The following DAPK3 variants were observed in gnomAD, a reference collection of about 807,000 sequenced individuals.
The protein encoded by DAPK3 is death associated protein kinase 3.
Under a neutral mutation model 30.6 loss-of-function variants are expected in DAPK3, and 24 were observed. The ratio of observed to expected loss-of-function variants is 0.78; its 90% confidence interval spans 0.57 to 1.10. DAPK3 has a LOEUF of 1.10. Ranked by LOEUF, DAPK3 falls within the 50% of genes least tolerant of loss-of-function variation. DAPK3 has a pLI of 0.00. For synonymous variants in DAPK3, 341 were observed against 284.0 expected (o/e 1.20, Z -2.02); for missense variants, 629 against 657.3 (o/e 0.96, Z 0.47).
In DAPK3 at chr19:3,964,628, C is replaced by G; in HGVS notation, c.423+3G>C. The G allele has an allele frequency of 6.2e-7, 1 of 1,600,392 alleles. No individual in the cohort carries two copies. The highest frequency in any genetic ancestry group is 8.5e-7 in the Non-Finnish European group (1 of 1,172,972). ...CGGCCCCACAGGGCCCTACAGGGCTCACCTTCAGGTCAAAGTGTGCGATGC... is the reference window on the plus strand; with the variant it reads ...CGGCCCCACAGGGCCCTACAGGGCTGACCTTCAGGTCAAAGTGTGCGATGC... On this transcript the variant is annotated splice_donor_region_variant and intron_variant, in intron 3 of 8. Transcript: ENST00000545797.
rs2039469997 is a variant in DAPK3 at position 3,958,958 on chromosome 19, C to G, written c.*143G>C. The G allele has an allele frequency of 3.3e-6, 2 of 607,448 alleles. No individual in the cohort carries two copies. The highest frequency in any genetic ancestry group is 6.2e-5 in the Admixed American group (2 of 32,216). The allele number at this position is 607,448 out of a possible 1,614,324, so 37.6% of individuals were successfully genotyped here. ...TGCCTGCGAACTTACGGGCCTGGCT[C>G]CAGCTCCTCCCACTCCGCCTCCAGC... On this transcript the variant is annotated 3_prime_UTR_variant, in exon 9 of 9. Coordinates refer to ENST00000545797, the MANE Select transcript of DAPK3 (RefSeq NM_001348.3).
At chr19:3,960,925 G>A in intron 7 of DAPK3, 84 bp downstream of exon 7, 2 of 1,458,244 alleles carry the variant, frequency 1.4e-6, no homozygotes, top group Non-Finnish European at 1.9e-6. Flanking sequence ...GGTGGCGCTG[G>A]GAGGAGAGTC....
In DAPK3 at chr19:3,960,068, G is replaced by T; in HGVS notation, c.819C>A (p.Ser273=). 1 of 1,563,090 alleles carries T rather than the reference G, an allele frequency of 6.4e-7. No individual in the cohort carries two copies. Among genetic ancestry groups the T allele is most frequent in the Non-Finnish European group, 8.8e-7 (1 of 1,133,834 alleles). ...CCACCTCCCCACTTACCTTAATCCA[G>T]GAATGTTCCAGGCTCTGGGCAATGG... The part of the protein sequence containing the change: ...RMTIAQSLEH[S]WIKAIRRRNV... Residue 273 remains serine, a synonymous_variant, in exon 8 of 9, where the codon TCC becomes TCA. Coordinates refer to ENST00000545797, the MANE Select transcript of DAPK3 (RefSeq NM_001348.3).
intron 6 of DAPK3, among the ~76,000 whole-genome samples, chr19:3,963,156 C>T (rs2039536812): frequency 6.6e-6 from 1 of 151,886 alleles, no homozygotes; most frequent in South Asian, 2.1e-4. Context: ...ACATGTAGTC[C>T]CAGGTACTCA....
At position 3,964,893 on chromosome 19, in the gene DAPK3, C is replaced by T. The variant is rs748443298; in HGVS notation, c.161G>A (p.Arg54His). ...CTCGATCTCCTCCCGGCTCACCCCA[C>T]GCCGGCTGGATGACAGGCGGCGCTT... is the stretch of plus-strand genomic sequence containing the variant. ...IKKRRLSSSRRGVSREEIERE... is the reference protein window; with the variant it reads ...IKKRRLSSSRHGVSREEIERE... Residue 54 changes from arginine to histidine, a missense_variant, in exon 3 of 9, where the codon CGT (arginine) becomes CAT (histidine). Around this residue, in one of 2 missense-constraint regions of DAPK3, gnomAD observed 306 missense variants for 378.5 expected, o/e 0.81. Transcript: ENST00000545797. 6.2e-7 allele frequency: 1 copy of T among 1,612,022 alleles called. No individual in the cohort carries two copies. Among genetic ancestry groups the T allele is most frequent in the Admixed American group, 1.7e-5 (1 of 60,010 alleles).
At chr19:3,961,414 G>C in intron 6 of DAPK3, 1 of 637,842 alleles carries the variant, frequency 1.6e-6, no homozygotes, top group Non-Finnish European at 3.1e-6. Context: ...TTGGAGACTC[G>C]AAGTATCTGT....
Position 3,961,829 on chromosome 19 carries a change from C to T in DAPK3, c.630-668G>A, listed in dbSNP as rs893453075. 5 of 240,404 alleles carry T rather than the reference C, an allele frequency of 2.1e-5. No homozygotes were observed. The East Asian group carries it at 2.8e-4, about 13-fold the overall frequency. The allele number at this position is 240,404 out of a possible 1,614,324, so 14.9% of individuals were successfully genotyped here. A position where few individuals can be genotyped will look rare whatever the true frequency, so the allele number is the denominator to read the frequency against. On this transcript the variant is annotated intron_variant, in intron 6 of 8. Coordinates refer to ENST00000545797, the MANE Select transcript of DAPK3 (RefSeq NM_001348.3). ...CCTCAGAGAGGACAGGAGTGGAAAA[C>T]GGGGGTGTCTAACCACCTCTGGCAC...
rs1365609533 is a variant in DAPK3, at chr19:3,964,815, T to G, written c.239A>C (p.His80Pro). 6 of 1,612,912 alleles carry G rather than the reference T, an allele frequency of 3.7e-6. No individual in the cohort carries two copies. The highest frequency in any genetic ancestry group is 4.2e-6 in the Non-Finnish European group (5 of 1,179,116). ...GTCCGTCTTGTTCTCGAAGATGTCG[T>G]GCAGGGTGATGATGTTGGGGTGCCG... ...EIRHPNIITL[H>P]DIFENKTDVV... is the part of the protein sequence containing the mutation. Residue 80 changes from histidine to proline, a missense_variant, in exon 3 of 9, where the codon CAC (histidine) becomes CCC (proline). This residue lies in a region of DAPK3 where 306 missense variants were observed against 378.5 expected (regional missense o/e 0.81). Transcript: ENST00000545797.
intron 6 of DAPK3, among the ~76,000 whole-genome samples, 200 bp downstream of exon 6, chr19:3,963,443 T>C (rs1269483393): frequency 5.4e-5 from 6 of 110,292 alleles, no homozygotes. Flanking sequence ...GCTCTGTGAG[T>C]GTCCTGCCTT....
chr19:3,966,962 C>G (rs2039583886), intron 2 of DAPK3, among the ~76,000 whole-genome samples: 3 of 152,196 alleles, frequency 2.0e-5, no homozygotes, highest in Admixed American at 2.0e-4. Flanking sequence ...TCCCCAAGAG[C>G]TGAGCCCACC....
rs549563369 is a variant in DAPK3, at chr19:3,961,571, T to G, written c.630-410A>C. The G allele has an allele frequency of 1.1e-5, 5 of 475,086 alleles. No homozygotes were observed. In the East Asian group the frequency reaches 3.3e-4, roughly 32 times the overall value. 29.4% of individuals were successfully genotyped at this position (475,086 alleles called of 1,614,324 possible). On this transcript the variant is annotated intron_variant, in intron 6 of 8. Transcript: ENST00000545797. Reference sequence around the variant, plus strand: ...CCCCAACAGCGTCTGCCTCCCAGCCTGACGCTGGGAGGGTGACACAGCATC... The same window carrying G: ...CCCCAACAGCGTCTGCCTCCCAGCCGGACGCTGGGAGGGTGACACAGCATC...
rs1302940665 is a variant in DAPK3, at chr19:3,959,190, G to T, written c.1276C>A (p.Gln426Lys). 2 of 1,598,826 alleles carry T rather than the reference G, an allele frequency of 1.3e-6. No homozygotes were observed. The highest frequency in any genetic ancestry group is 1.7e-6 in the Non-Finnish European group (2 of 1,177,156). The change falls in exon 9 of 9, where the codon CAA becomes AAA. Residue 426 changes from glutamine (Q) to lysine (K), a missense_variant. Gln to Lys is a moderately conservative substitution (Grantham distance 53). Coordinates refer to ENST00000545797, the MANE Select transcript of DAPK3 (RefSeq NM_001348.3). ...ACGAAGCGCATCTCGGAGGCTACTT[G>T]CTTGGCCAGCGCCTCGTAGCGGTTC... Reference protein sequence around the residue: ...LENRYEALAKQVASEMRFVQD... With the variant: ...LENRYEALAKKVASEMRFVQD...
chr19:3,960,381 A>G (rs2039496585), intron 7 of DAPK3, among the ~76,000 whole-genome samples: 1 of 152,096 alleles, frequency 6.6e-6, no homozygotes, highest in African/African-American at 2.4e-5. Context: ...AGGGCTCAGC[A>G]CTGCCAGAAT....
At chr19:3,967,748 C>A (rs1264774434) in intron 2 of DAPK3, among the ~76,000 whole-genome samples, 1 of 152,200 alleles carries the variant, frequency 6.6e-6, no homozygotes, top group Non-Finnish European at 1.5e-5. Context: ...GAGCCAGACA[C>A]CGTCTCAAAC....
intron 2 of DAPK3, among the ~76,000 whole-genome samples, chr19:3,967,384 C>T (rs1287889367): frequency 2.0e-5 from 3 of 151,858 alleles, no homozygotes; most frequent in East Asian, 1.9e-4. Flanking sequence ...ACCTGGGAGA[C>T]GGAGGTTGCA....
At chr19:3,960,386 C>T (rs1465753266) in intron 7 of DAPK3, among the ~76,000 whole-genome samples, 1 of 150,422 alleles carries the variant, frequency 6.6e-6, no homozygotes, top group Non-Finnish European at 1.5e-5. Context: ...TCAGCACTGC[C>T]AGAATTCTAA....
intron 2 of DAPK3, 63 bp downstream of exon 2, chr19:3,969,611 C>T: frequency 9.6e-7 from 1 of 1,038,018 alleles, no homozygotes; most frequent in South Asian, 1.3e-5. Context: ...AGCTGCTGTT[C>T]AGAAAACCCC....
At chr19:3,962,605 G>A (rs1249439772) in intron 6 of DAPK3, among the ~76,000 whole-genome samples, 4 of 152,044 alleles carry the variant, frequency 2.6e-5, no homozygotes, top group African/African-American at 2.4e-5. Flanking sequence ...GTGAAACATC[G>A]TCTCTACTAA....
Position 3,960,997 on chromosome 19 carries a change from G to C in DAPK3, c.782+12C>G. The C allele has an allele frequency of 6.2e-7, 1 of 1,612,220 alleles. No individual in the cohort carries two copies. The highest frequency in any genetic ancestry group is 1.1e-5 in the South Asian group (1 of 91,042). On this transcript the variant is annotated intron_variant, in intron 7 of 8. Coordinates refer to ENST00000545797, the MANE Select transcript of DAPK3 (RefSeq NM_001348.3). ...CATGTCCCACCCCGTGCCCCCTGCC[G>C]GCCCCTCGTACTTGGGATCTTTGAC...
Sources: allele counts gnomAD v4.1 joint callset (sites outside exome capture counted in the v4.1 genomes callset), GRCh38; gene constraint gnomAD v4.1.1; regional missense constraint gnomAD v4.1.1; transcripts MANE v1.5; gene names NCBI Gene and HGNC (gene_info 2026-07-23, HGNC 2026-07-21).